The following KDM5B variants were observed in gnomAD, a reference collection of about 807,000 sequenced individuals.
The protein encoded by KDM5B is lysine-specific demethylase 5B.
KDM5B carries 144 observed loss-of-function variants against 193.4 expected under a neutral mutation model. The ratio of observed to expected loss-of-function variants is 0.74; its 90% CI spans 0.65 to 0.86. KDM5B has a LOEUF of 0.86. Ranked by LOEUF, KDM5B falls within the 40% of genes least tolerant of loss-of-function variation. The pLI, the probability that KDM5B is intolerant of heterozygous loss-of-function variation, is 0.00. For synonymous variants in KDM5B, 668 were observed against 682.6 expected (o/e 0.98, Z 0.33); for missense variants, 1,833 against 1,886.9 (o/e 0.97, Z 0.53).
rs777756617 is a variant in KDM5B, at chr1:202,746,230, T to C, written c.2110A>G (p.Ile704Val). The C allele has an allele frequency of 1.1e-5, 18 of 1,613,568 alleles. No individual in the cohort carries two copies. The East Asian group carries it at 1.8e-4, about 16-fold the overall frequency. The change falls in exon 15 of 27, where the codon ATC becomes GTC. Residue 704 changes from isoleucine (I) to valine (V), a missense_variant. By Grantham distance (29) the Ile-to-Val change is conservative. Around this residue, in one of 3 missense-constraint regions of KDM5B, gnomAD observed 1,379 missense variants for 1,349.6 expected, o/e 1.02. Transcript: ENST00000367265. ...KCKTTCFMSAISCSCKPGLLV... is the reference protein window; with the variant it reads ...KCKTTCFMSAVSCSCKPGLLV... The stretch of plus-strand genomic sequence containing the variant: ...AGGCCAGGTTTACAAGAACAGGAGA[T>C]GGCAGACATGAAGCATGTAGTTTTG...
intron 5 of KDM5B, 97 bp downstream of exon 5, chr1:202,766,829 C>T (rs1174897476): frequency 1.5e-6 from 2 of 1,352,972 alleles, no homozygotes; most frequent in African/African-American, 3.0e-5. Flanking sequence ...AGGTTCAAAA[C>T]TACAAAGAGC....
At chr1:202,789,554 G>A (rs1488078644) in intron 1 of KDM5B, among the ~76,000 whole-genome samples, 1 of 1,896 alleles carries the variant, frequency 5.3e-4, no homozygotes, top group Admixed American at 6.1e-3. Flanking sequence ...AAGGCAAAGG[G>A]AAAAGGAAAG....
intron 1 of KDM5B, chr1:202,806,887 G>A (rs1571466325): frequency 6.6e-6 from 1 of 152,206 alleles, no homozygotes; most frequent in East Asian, 1.9e-4. Context: ...GCTTCCCAAC[G>A]GTCCCAGCCC....
intron 5 of KDM5B, among the ~76,000 whole-genome samples, chr1:202,765,226 T>G (rs1394264312): frequency 3.2e-5 from 3 of 94,104 alleles, no homozygotes; most frequent in Admixed American, 1.6e-4. Context: ...TTTAATAAAC[T>G]ATTATTATAA....
At position 202,756,529 on chromosome 1, in the gene KDM5B, G is replaced by A. The variant is rs1489153650; in HGVS notation, c.1198-13C>T. 8 of 1,554,832 alleles carry A rather than the reference G, an allele frequency of 5.1e-6. No homozygotes were observed. The Admixed American group carries it at 8.1e-5, about 16-fold the overall frequency. The stretch of plus-strand genomic sequence containing the variant: ...CTGTGGGGACCATCTGGAAATACAA[G>A]GAATAGAAAAAATGAGTTTCCTCAC... On this transcript the variant is annotated splice_polypyrimidine_tract_variant and intron_variant, in intron 9 of 26. Coordinates refer to ENST00000367265, the MANE Select transcript of KDM5B (RefSeq NM_006618.5).
At chr1:202,804,561 G>T (rs1023591717) in intron 1 of KDM5B, among the ~76,000 whole-genome samples, 1 of 152,248 alleles carries the variant, frequency 6.6e-6, no homozygotes, top group Non-Finnish European at 1.5e-5. Flanking sequence ...ACTCAAAAAT[G>T]GTGACTGTAT....
At chr1:202,729,611 A>G (rs1212261048) in intron 26 of KDM5B, 96 bp downstream of exon 26, 2 of 1,023,306 alleles carry the variant, frequency 2.0e-6, no homozygotes, top group Non-Finnish European at 2.8e-6. Flanking sequence ...CTCAAAGCAG[A>G]TAAGCAGAGG....
rs1414595774 is a variant in KDM5B at position 202,808,187 on chromosome 1, T to C, written c.119A>G (p.Glu40Gly). The change falls in exon 1 of 27, where the codon GAA becomes GGA. Residue 40 changes from glutamate to glycine, a missense_variant. Coordinates refer to ENST00000367265, the MANE Select transcript of KDM5B (RefSeq NM_006618.5). ...PECPVFEPSW[E>G]EFADPFAFIH... is the part of the protein sequence containing the mutation. ...GAAAGCGAAGGGGTCCGCGAACTCT[T>C]CCCAGCTGGGTTCGAAGACCGGGCA... 6.2e-7 allele frequency: 1 copy of C among 1,613,018 alleles called. No individual in the cohort carries two copies. Among genetic ancestry groups the C allele is most frequent in the Non-Finnish European group, 8.5e-7 (1 of 1,179,542 alleles).
rs140754505 is a variant in KDM5B, at chr1:202,764,492, G to A, written c.712-347C>T. ...TCTACTAAAATTACAAAAAGTAGCC[G>A]GGCATGGTGGCACGCACCTGTAGTC... On this transcript the variant is annotated intron_variant, in intron 5 of 26. Coordinates refer to ENST00000367265, the MANE Select transcript of KDM5B (RefSeq NM_006618.5). Among the ~76,000 whole-genome samples the A allele has an allele frequency of 4.5e-3, 691 of 152,026 alleles. 4 individuals carry two copies. Among genetic ancestry groups the A allele is most frequent in the Admixed American group, 0.016 (245 of 15,252 alleles).
At position 202,760,420 on chromosome 1, in the gene KDM5B, C is replaced by G; in HGVS notation, c.1072G>C (p.Ala358Pro). 6.2e-7 allele frequency: 1 copy of G among 1,600,706 alleles called. No individual in the cohort carries two copies. The highest frequency in any genetic ancestry group is 8.5e-7 in the Non-Finnish European group (1 of 1,174,262). The change falls in exon 8 of 27, where the codon GCT becomes CCT. Residue 358 changes from alanine (A) to proline (P), a missense_variant. This residue lies in a region of KDM5B where 99 missense variants were observed against 162.4 expected (regional missense o/e 0.61). Coordinates refer to ENST00000367265, the MANE Select transcript of KDM5B (RefSeq NM_006618.5). ...CCTCTACTATTAATTATTACCTGAG[C>G]CAAACACTTAGGACACCTCCAGTCT... ...KGDWRCPKCL[A>P]QECSKPQEAF...
At chr1:202,766,398 T>A (rs1047870185) in intron 5 of KDM5B, 10 of 362,238 alleles carry the variant, frequency 2.8e-5, no homozygotes, top group South Asian at 4.2e-5. Flanking sequence ...CCCACCTACT[T>A]GGGAGGCTGA....
chr1:202,744,471 T>A (rs183216576), intron 16 of KDM5B, among the ~76,000 whole-genome samples: 2 of 152,112 alleles, frequency 1.3e-5, no homozygotes, highest in South Asian at 4.2e-4. Flanking sequence ...GGCAGGAGAA[T>A]TGCTTGAACC....
At chr1:202,746,097 G>A (rs750344051) in intron 15 of KDM5B, 45 bp downstream of exon 15, 3 of 1,561,308 alleles carry the variant, frequency 1.9e-6, no homozygotes, top group Non-Finnish European at 2.6e-6. Flanking sequence ...TTTTAGTAAG[G>A]ATCAACTGTT....
At chr1:202,800,741 T>A (rs927089662) in intron 1 of KDM5B, among the ~76,000 whole-genome samples, 2 of 152,146 alleles carry the variant, frequency 1.3e-5, no homozygotes, top group African/African-American at 4.8e-5. Context: ...AAAAGAAAGT[T>A]CAGATAAAGT....
intron 1 of KDM5B, among the ~76,000 whole-genome samples, chr1:202,779,323 C>A (rs1025653748): frequency 1.3e-5 from 2 of 151,368 alleles, no homozygotes; most frequent in Non-Finnish European, 2.9e-5. Flanking sequence ...CTGGCTAACA[C>A]AAAAAATTAG....
chr1:202,789,925 T>TA (rs1216367162), intron 1 of KDM5B, among the ~76,000 whole-genome samples: 1 of 152,004 alleles, frequency 6.6e-6, no homozygotes, highest in East Asian at 1.9e-4. Flanking sequence ...ACCTCATCTC[T>TA]AAAAAATAAT....
At chr1:202,729,668 A>T in intron 26 of KDM5B, 39 bp downstream of exon 26, 1 of 1,564,158 alleles carries the variant, frequency 6.4e-7, no homozygotes, top group Non-Finnish European at 8.7e-7. Flanking sequence ...TTTCTGAGTT[A>T]AGGGAAAGCA....
At chr1:202,795,548 A>T (rs1176050560) in intron 1 of KDM5B, among the ~76,000 whole-genome samples, 1 of 152,108 alleles carries the variant, frequency 6.6e-6, no homozygotes, top group East Asian at 1.9e-4. Flanking sequence ...CCTACTCAGG[A>T]GGCTGAGGCA....
chr1:202,774,033 G>A (rs894715675), intron 3 of KDM5B, among the ~76,000 whole-genome samples: 9 of 152,042 alleles, frequency 5.9e-5, no homozygotes, highest in Admixed American at 2.0e-4. Flanking sequence ...CACCACGCCC[G>A]GCCATGGCTC....
Sources: gnomAD v4.1 joint callset for allele counts (sites outside exome capture counted in the v4.1 genomes callset) on GRCh38, gnomAD v4.1.1 for gene constraint, gnomAD v4.1.1 regional missense constraint, MANE v1.5 for transcripts, NCBI Gene and HGNC (gene_info 2026-07-23, HGNC 2026-07-21) for gene names.